KLHL29: variants seen among roughly 807,000 people sequenced by gnomAD.
The protein encoded by KLHL29 is kelch-like protein 29.
In KLHL29, 21 loss-of-function variants were observed where a neutral mutation model predicts 80.4. The observed-to-expected ratio is 0.26, with a 90% CI of 0.19 to 0.38. The LOEUF (loss-of-function observed/expected upper bound fraction) is 0.38, where lower values mean the gene tolerates loss of function less well. Ranked by LOEUF, KLHL29 falls within the 10% of genes least tolerant of loss-of-function variation. The pLI, the probability that KLHL29 is intolerant of heterozygous loss-of-function variation, is 1.00. For missense variants in KLHL29, 867 were observed against 1,223.9 expected, an observed-to-expected ratio of 0.71 and a Z score of 4.35; for synonymous variants, 511 against 526.8, an observed-to-expected ratio of 0.97 and a Z score of 0.41.
chr2:23,607,277 A>G (rs1668752094), intron 3 of KLHL29, among the ~76,000 whole-genome samples: 1 of 152,134 alleles, frequency 6.6e-6, no homozygotes, highest in Non-Finnish European at 1.5e-5. Flanking sequence ...GGGGGCCTGC[A>G]CACTGCCCAG....
At chr2:23,545,439 G>A (rs140055321) in intron 2 of KLHL29, among the ~76,000 whole-genome samples, 1,615 of 152,298 alleles carry the variant, frequency 0.011, 19 homozygotes, top group Non-Finnish European at 0.018. Context: ...CTCCGTAAAT[G>A]CTCCCTGCTT....
chr2:23,691,875 C>T lies in KLHL29; in HGVS notation c.1281C>T (p.Leu427=), dbSNP rs898832302. 7.7e-6 allele frequency: 12 copies of T among 1,548,426 alleles called. No individual in the cohort carries two copies. The highest frequency in any genetic ancestry group is 3.9e-5 in the Admixed American group (2 of 51,002). Residue 427 remains leucine (L), a splice_region_variant and synonymous_variant, in exon 7 of 14, where the codon CTC becomes CTT. Transcript: ENST00000486442. ...HTFCKVCVSF[L]EKQLTASNCL... Reference sequence around the variant, plus strand: ...TCTGCAAAGTCTGCGTGTCCTTTCTCGGTGAGCCCGGGGGCCACATATGTC... The same window carrying T: ...TCTGCAAAGTCTGCGTGTCCTTTCTTGGTGAGCCCGGGGGCCACATATGTC...
At chr2:23,433,549 A>T (rs1663246791) in intron 1 of KLHL29, among the ~76,000 whole-genome samples, 1 of 152,084 alleles carries the variant, frequency 6.6e-6, no homozygotes, top group African/African-American at 2.4e-5. Flanking sequence ...CTGGTAAGAG[A>T]AGGGTGCTGC....
At position 23,696,068 on chromosome 2, in the gene KLHL29, C is replaced by T. The variant is rs769178952; in HGVS notation, c.1859C>T (p.Ser620Leu). 4 of 1,551,830 alleles carry T rather than the reference C, an allele frequency of 2.6e-6. No individual in the cohort carries two copies. The highest frequency in any genetic ancestry group is 2.4e-5 in the East Asian group (1 of 40,924). Residue 620 changes from serine to leucine, a missense_variant, in exon 10 of 14, where the codon TCG (serine) becomes TTG (leucine). This residue lies in a region of KLHL29 where 443 missense variants were observed against 767.0 expected (regional missense o/e 0.58). Transcript: ENST00000486442. The surrounding 1 kb of genome is among the most constrained non-coding windows in gnomAD (Gnocchi z 5.5). ...AACAACAAGTGGTACCCCTTGGCCT[C>T]GCTGCCCTTCTATGACCGCGAGTTC... ...PQNNKWYPLA[S>L]LPFYDREFFS...
At chr2:23,473,617 A>G (rs1319475830) in intron 1 of KLHL29, among the ~76,000 whole-genome samples, 1 of 152,046 alleles carries the variant, frequency 6.6e-6, no homozygotes, top group Non-Finnish European at 1.5e-5. Flanking sequence ...CCTCTAGGCT[A>G]CAGTCTAGCC....
chr2:23,578,827 C>G (rs569360143), intron 3 of KLHL29, among the ~76,000 whole-genome samples: 9 of 152,320 alleles, frequency 5.9e-5, no homozygotes, highest in Admixed American at 1.3e-4. Flanking sequence ...GTGGCTGCCT[C>G]TCATCCTTTG....
chr2:23,433,509 G>A (rs943485730), intron 1 of KLHL29, among the ~76,000 whole-genome samples: 1 of 135,206 alleles, frequency 7.4e-6, no homozygotes, highest in East Asian at 2.1e-4. Flanking sequence ...TGGGACATTG[G>A]TCTGGGGACA....
chr2:23,615,863 A>G (rs533485028), intron 3 of KLHL29, among the ~76,000 whole-genome samples: 29 of 152,154 alleles, frequency 1.9e-4, no homozygotes, highest in African/African-American at 6.0e-4. Context: ...TTCCTTTCTC[A>G]TCAGCACAGC....
intron 5 of KLHL29, among the ~76,000 whole-genome samples, chr2:23,658,217 G>A (rs1300704987): frequency 2.6e-5 from 4 of 152,098 alleles, no homozygotes; most frequent in African/African-American, 9.7e-5. Flanking sequence ...TCCAGGGTGG[G>A]GGCCTCCACC....
intron 1 of KLHL29, among the ~76,000 whole-genome samples, chr2:23,396,927 G>A (rs376243218): frequency 8.5e-5 from 13 of 152,284 alleles, no homozygotes; most frequent in East Asian, 3.9e-4. Context: ...CATGGAAAGC[G>A]TGTTTCAGGG....
At chr2:23,590,088 G>A (rs1433665845) in intron 3 of KLHL29, among the ~76,000 whole-genome samples, 3 of 152,218 alleles carry the variant, frequency 2.0e-5, no homozygotes, top group Non-Finnish European at 4.4e-5. Flanking sequence ...ACAGACAAAA[G>A]CAGAGGCCTA....
At chr2:23,692,932 C>T (rs1164181983) in intron 7 of KLHL29, among the ~76,000 whole-genome samples, 3 of 152,200 alleles carry the variant, frequency 2.0e-5, no homozygotes, top group Admixed American at 1.3e-4. Context: ...CCCTCAACCT[C>T]AGCGACAGTG....
chr2:23,611,403 G>A (rs1668868972), intron 3 of KLHL29, among the ~76,000 whole-genome samples: 2 of 152,140 alleles, frequency 1.3e-5, no homozygotes, highest in Admixed American at 1.3e-4. Flanking sequence ...TCTTTGGCCT[G>A]GGACTCTGAA....
At chr2:23,660,721 G>C (rs780195443) in intron 5 of KLHL29, among the ~76,000 whole-genome samples, 1 of 152,208 alleles carries the variant, frequency 6.6e-6, no homozygotes, top group East Asian at 1.9e-4. Flanking sequence ...CCTCTTCCCA[G>C]GTCAGTAAGA....
rs1672312409 is a variant in KLHL29, at chr2:23,700,779, A to G, written c.2106-2407A>G. Among the ~76,000 whole-genome samples, 1 of 152,154 alleles carries G rather than the reference A, an allele frequency of 6.6e-6. No individual in the cohort carries two copies. Among genetic ancestry groups the G allele is most frequent in the African/African-American group, 2.4e-5 (1 of 41,424 alleles). On this transcript the variant is annotated intron_variant, in intron 11 of 13. Transcript: ENST00000486442. The surrounding 1 kb of genome is among the most constrained non-coding windows in gnomAD (Gnocchi z 4.6). ...TGTTCCGGTTGAAGTGCCCTTGACTACAGAGCAGTGGCCTGCTGGAGATTC... is the reference window on the plus strand; with the variant it reads ...TGTTCCGGTTGAAGTGCCCTTGACTGCAGAGCAGTGGCCTGCTGGAGATTC...
At chr2:23,532,030 A>C (rs540222682) in intron 2 of KLHL29, among the ~76,000 whole-genome samples, 1 of 152,162 alleles carries the variant, frequency 6.6e-6, no homozygotes, top group Non-Finnish European at 1.5e-5. Context: ...ACGGCCCTTG[A>C]CCATGGAAGC....
At chr2:23,651,546 A>G (rs927284702) in intron 5 of KLHL29, among the ~76,000 whole-genome samples, 2 of 152,202 alleles carry the variant, frequency 1.3e-5, no homozygotes, top group Non-Finnish European at 2.9e-5. Context: ...GTCATGCTCC[A>G]GCCTGTCAAG....
intron 3 of KLHL29, among the ~76,000 whole-genome samples, chr2:23,627,454 A>G (rs987743479): frequency 2.0e-5 from 3 of 152,176 alleles, no homozygotes; most frequent in African/African-American, 7.2e-5. Context: ...CGGAGCGGTC[A>G]TTTCTGCCCA....
intron 3 of KLHL29, among the ~76,000 whole-genome samples, chr2:23,604,555 A>C (rs1256963127): frequency 1.3e-5 from 2 of 152,332 alleles, no homozygotes; most frequent in Non-Finnish European, 2.9e-5. Context: ...CAGCAGCAGC[A>C]GGAGCCCTGG....
Sources: gnomAD v4.1 joint callset for allele counts (sites outside exome capture counted in the v4.1 genomes callset) on GRCh38, gnomAD v4.1.1 for gene constraint, gnomAD v4.1.1 regional missense constraint, Gnocchi (gnomAD v3.1) non-coding constraint, MANE v1.5 for transcripts, NCBI Gene and HGNC (gene_info 2026-07-23, HGNC 2026-07-21) for gene names.